The following CCDC81 variants were observed in gnomAD, a reference collection of about 807,000 sequenced individuals.
The protein encoded by CCDC81 is coiled-coil domain containing 81.
In CCDC81, 79 loss-of-function variants were observed where a neutral mutation model predicts 83.7. The observed-to-expected ratio is 0.94, with a 90% CI of 0.79 to 1.14. CCDC81 has a LOEUF of 1.14. Ranked by LOEUF, CCDC81 falls within the 50% of genes most tolerant of loss-of-function variation. The probability of loss-of-function intolerance (pLI) is 0.00; values close to 1 mark genes in which losing one functional copy is unlikely to be tolerated. For missense variants in CCDC81, 791 were observed against 778.1 expected (o/e 1.02, Z -0.20); for synonymous variants, 252 against 278.1 (o/e 0.91, Z 0.93).
At chr11:86,378,135 T>G (rs545467351) in intron 1 of CCDC81, among the ~76,000 whole-genome samples, 31 of 152,262 alleles carry the variant, frequency 2.0e-4, no homozygotes, top group African/African-American at 6.7e-4. Context: ...TTTTAATCTA[T>G]TTGTCTGTTC....
intron 14 of CCDC81, 84 bp downstream of exon 14, chr11:86,420,137 G>A (rs1391783197): frequency 6.6e-7 from 1 of 1,507,854 alleles, no homozygotes; most frequent in African/African-American, 1.4e-5. Flanking sequence ...TTGATTAGCA[G>A]TGGCTGCCTA....
In CCDC81 at chr11:86,383,716, T is replaced by C. The variant is rs542783493; in HGVS notation, c.80-2335T>C. On this transcript the variant is annotated intron_variant, in intron 1 of 14. Transcript: ENST00000445632. The stretch of plus-strand genomic sequence containing the variant: ...TATTTTTCATTTTGAGATTTAATGA[T>C]ATCCTCTCTGACTCTTTGGGATGTC... Among the ~76,000 whole-genome samples, 190 of 152,358 alleles carry C rather than the reference T, an allele frequency of 1.2e-3. 1 individual carries two copies. Among genetic ancestry groups the C allele is most frequent in the African/African-American group, 4.4e-3 (183 of 41,588 alleles).
intron 10 of CCDC81, among the ~76,000 whole-genome samples, 166 bp from the exon 11 acceptor site, chr11:86,412,221 A>G (rs1358408847): frequency 6.6e-6 from 1 of 152,086 alleles, no homozygotes; most frequent in Non-Finnish European, 1.5e-5. Flanking sequence ...CCTTGAACAC[A>G]CTCATATGAT....
chr11:86,386,989 G>T (rs1948250967), intron 2 of CCDC81, among the ~76,000 whole-genome samples: 1 of 152,130 alleles, frequency 6.6e-6, no homozygotes, highest in African/African-American at 2.4e-5. Context: ...CTTGATGAAT[G>T]ATATCTCCAG....
Position 86,375,187 on chromosome 11 carries a change from C to G in CCDC81, c.24C>G (p.Ala8=). The G allele has an allele frequency of 3.7e-6, 6 of 1,613,486 alleles. No homozygotes were observed. The highest frequency in any genetic ancestry group is 5.1e-6 in the Non-Finnish European group (6 of 1,179,962). MLDTIAR[A]LQDLGRQVLP... ...AGATGTTGGATACGATCGCCCGTGC[C>G]CTGCAGGACCTGGGCAGGCAGGTGC... The change falls in exon 1 of 15, where the codon GCC becomes GCG. Residue 8 remains alanine (A), a synonymous_variant. Transcript: ENST00000445632.
intron 10 of CCDC81, 56 bp downstream of exon 10, chr11:86,409,421 A>T: frequency 1.2e-6 from 1 of 812,416 alleles, no homozygotes; most frequent in Admixed American, 2.7e-5. Flanking sequence ...GAGCCTTTGG[A>T]TCCACTCCCT....
chr11:86,411,347 T>C (rs571483712), intron 10 of CCDC81, among the ~76,000 whole-genome samples: 1 of 152,348 alleles, frequency 6.6e-6, no homozygotes, highest in Non-Finnish European at 1.5e-5. Flanking sequence ...AGGTGATTCA[T>C]TTTCTCCATG....
chr11:86,395,436 T>A, intron 5 of CCDC81, 23 bp downstream of exon 5: 1 of 1,601,908 alleles, frequency 6.2e-7, no homozygotes, highest in Non-Finnish European at 8.6e-7. Context: ...CTTCACGGGT[T>A]CCTCTAGGCA....
chr11:86,417,161 T>C (rs2138542411), intron 13 of CCDC81, among the ~76,000 whole-genome samples: 1 of 150,040 alleles, frequency 6.7e-6, no homozygotes, highest in South Asian at 2.1e-4. Flanking sequence ...CAAGAATGCT[T>C]GAACCTGGGA....
rs995576093 is a variant in CCDC81 at position 86,384,639 on chromosome 11, A to G, written c.80-1412A>G. On this transcript the variant is annotated intron_variant, in intron 1 of 14. Coordinates refer to ENST00000445632, the MANE Select transcript of CCDC81 (RefSeq NM_001156474.2). Reference sequence around the variant, plus strand: ...ATTGTTAGAAAAAAGATAAACCAATAAACCAATAAAACAAGCAGTTTCCAA... The same window carrying G: ...ATTGTTAGAAAAAAGATAAACCAATGAACCAATAAAACAAGCAGTTTCCAA... Among the ~76,000 whole-genome samples, 5 of 152,256 alleles carry G rather than the reference A, an allele frequency of 3.3e-5. 1 individual carries two copies. Among genetic ancestry groups the G allele is most frequent in the Admixed American group, 3.3e-4 (5 of 15,286 alleles).
Position 86,420,070 on chromosome 11 carries a change from A to G in CCDC81, c.1817+17A>G. The stretch of plus-strand genomic sequence containing the variant: ...TTTTGAACGGTAATGCCTGATTGGA[A>G]CCCCAAAATTCTCCTGCTCCTTGTG... On this transcript the variant is annotated intron_variant, in intron 14 of 14. Transcript: ENST00000445632. 1 of 1,605,516 alleles carries G rather than the reference A, an allele frequency of 6.2e-7. No homozygotes were observed. Among genetic ancestry groups the G allele is most frequent in the Non-Finnish European group, 8.5e-7 (1 of 1,177,286 alleles).
intron 1 of CCDC81, among the ~76,000 whole-genome samples, chr11:86,378,735 T>C (rs1948132510): frequency 6.6e-6 from 1 of 152,254 alleles, no homozygotes; most frequent in Non-Finnish European, 1.5e-5. Context: ...TCTTTATTTC[T>C]GACAACTCTC....
intron 5 of CCDC81, among the ~76,000 whole-genome samples, chr11:86,396,979 T>C (rs778081174): frequency 1.2e-4 from 19 of 152,104 alleles, no homozygotes; most frequent in Non-Finnish European, 2.2e-4. Flanking sequence ...TCAAAACAAT[T>C]GTTGGTGTTT....
At chr11:86,380,468 G>A (rs1948162142) in intron 1 of CCDC81, among the ~76,000 whole-genome samples, 1 of 152,086 alleles carries the variant, frequency 6.6e-6, no homozygotes, top group Non-Finnish European at 1.5e-5. Flanking sequence ...TGTTATTTGA[G>A]CTTCCTGGAT....
At chr11:86,410,341 G>T (rs888300012) in intron 10 of CCDC81, among the ~76,000 whole-genome samples, 1 of 152,118 alleles carries the variant, frequency 6.6e-6, no homozygotes, top group Non-Finnish European at 1.5e-5. Context: ...GGAATACAAG[G>T]TTCCCTCTTC....
At chr11:86,422,024 T>C (rs923162407) in intron 14 of CCDC81, among the ~76,000 whole-genome samples, 22 of 152,350 alleles carry the variant, frequency 1.4e-4, no homozygotes, top group African/African-American at 5.3e-4. Context: ...CAGTTACTAC[T>C]GCCTCTTTAT....
chr11:86,395,564 A>G, intron 5 of CCDC81, 151 bp downstream of exon 5: 2 of 629,368 alleles, frequency 3.2e-6, no homozygotes, highest in Admixed American at 2.8e-5. Flanking sequence ...CCAACAAAGA[A>G]GAGTTTATTG....
In CCDC81 at chr11:86,407,705, C is replaced by T. The variant is rs1429192481; in HGVS notation, c.969+4C>T. On this transcript the variant is annotated splice_donor_region_variant and intron_variant, in intron 8 of 14. Transcript: ENST00000445632. ...GGATCATAACAAGGCAGGACAGGTA[C>T]AGTGTTTCCAAACAAATAAGTCCCA... 6.2e-7 allele frequency: 1 copy of T among 1,607,236 alleles called. No homozygotes were observed. Among genetic ancestry groups the T allele is most frequent in the Admixed American group, 1.7e-5 (1 of 59,914 alleles).
Position 86,415,310 on chromosome 11 carries a change from G to C in CCDC81, c.1688G>C (p.Arg563Thr). 1 of 1,611,518 alleles carries C rather than the reference G, an allele frequency of 6.2e-7. No individual in the cohort carries two copies. The highest frequency in any genetic ancestry group is 8.5e-7 in the Non-Finnish European group (1 of 1,178,144). The change falls in exon 13 of 15, where the codon AGA (arginine) becomes ACA (threonine). Residue 563 changes from arginine to threonine, a missense_variant. By Grantham distance (71) the Arg-to-Thr change is moderately conservative. Transcript: ENST00000445632. The part of the protein sequence containing the change: ...RDLQMLQRTQ[R>T]EHLADRTAEL... ...TTGCAAATGCTTCAGAGGACACAAA[G>C]AGAGTAAGGAGACCCCTGATCTTTC... is the stretch of plus-strand genomic sequence containing the variant.
Sources: gnomAD v4.1 joint callset for allele counts (sites outside exome capture counted in the v4.1 genomes callset) on GRCh38, gnomAD v4.1.1 for gene constraint, MANE v1.5 for transcripts, NCBI Gene and HGNC (gene_info 2026-07-23, HGNC 2026-07-21) for gene names.